TMEM204: variants seen among roughly 807,000 people sequenced by gnomAD.
TMEM204 encodes transmembrane protein 204, also known as claudin-like protein 24.
A neutral mutation model predicts 19.4 loss-of-function variants in TMEM204; 15 were observed. The observed-to-expected ratio is 0.77, with a 90% CI of 0.52 to 1.19. The LOEUF is 1.19. Ranked by LOEUF, TMEM204 falls within the 50% of genes most tolerant of loss-of-function variation. The probability of loss-of-function intolerance (pLI) is 0.00; values close to 1 mark genes in which losing one functional copy is unlikely to be tolerated. For synonymous variants in TMEM204, 161 were observed against 146.0 expected, an observed-to-expected ratio of 1.10 and a Z score of -0.74; for missense variants, 287 against 321.2, an observed-to-expected ratio of 0.89 and a Z score of 0.81.
intron 2 of TMEM204, among the ~76,000 whole-genome samples, chr16:1,543,410 T>C (rs2031842424): frequency 6.6e-6 from 1 of 152,200 alleles, no homozygotes; most frequent in Non-Finnish European, 1.5e-5. Context: ...CCGGGCTCTC[T>C]GAGCGCTATT....
intron 1 of TMEM204, among the ~76,000 whole-genome samples, chr16:1,539,958 G>A (rs962887856): frequency 4.6e-5 from 7 of 152,190 alleles, no homozygotes; most frequent in African/African-American, 7.2e-5. Flanking sequence ...AGGCCGGAGC[G>A]GGCACAGTGG....
chr16:1,541,889 C>T (rs1291082042), intron 1 of TMEM204, 32 bp from the exon 2 acceptor site: 5 of 1,557,010 alleles, frequency 3.2e-6, no homozygotes, highest in Non-Finnish European at 3.5e-6. Context: ...CCCACCTGCA[C>T]TCACCACTGC....
rs769845175 is a variant in TMEM204, at chr16:1,534,538, C to T, written c.263C>T (p.Ser88Phe). The T allele has an allele frequency of 3.1e-6, 5 of 1,604,284 alleles. No homozygotes were observed. The highest frequency in any genetic ancestry group is 4.2e-6 in the Non-Finnish European group (5 of 1,179,618). ...WGSEAAGFQE[S>F]RGTVKLQFDM... ...TCCGAGGCAGCCGGCTTCCAGGAGT[C>T]CCGAGGCACCGTCAAACGTAAGTCC... Residue 88 changes from serine to phenylalanine, a missense_variant, in exon 1 of 3, where the codon TCC becomes TTC. Coordinates refer to ENST00000566264, the MANE Select transcript of TMEM204 (RefSeq NM_024600.6).
chr16:1,535,131 G>C (rs561037961), intron 1 of TMEM204, among the ~76,000 whole-genome samples: 1 of 152,260 alleles, frequency 6.6e-6, no homozygotes, highest in East Asian at 1.9e-4. Flanking sequence ...TTCTGGCTTT[G>C]TTCTCACGGT....
intron 2 of TMEM204, among the ~76,000 whole-genome samples, chr16:1,548,788 G>A (rs1225919994): frequency 6.6e-6 from 1 of 152,240 alleles, no homozygotes; most frequent in Non-Finnish European, 1.5e-5. Flanking sequence ...GTGCGATCAT[G>A]CAGCTGACTC....
rs1334979655 is a variant in TMEM204 at position 1,551,744 on chromosome 16, A to G, written c.437-3038A>G. On this transcript the variant is annotated intron_variant, in intron 2 of 2. Transcript: ENST00000566264. This position sits in a 1 kb window ranked among gnomAD's most constrained non-coding sequence, Gnocchi z 4.0. The stretch of plus-strand genomic sequence containing the variant: ...CGGGGTTTTGTTGGGAGCTACCTAT[A>G]CAAAGGAGGCCACACCACACGTGCG... Among the ~76,000 whole-genome samples the G allele has an allele frequency of 2.0e-5, 3 of 152,136 alleles. No homozygotes were observed. Among genetic ancestry groups the G allele is most frequent in the African/African-American group, 7.2e-5 (3 of 41,408 alleles).
Position 1,554,953 on chromosome 16 carries a change from T to C in TMEM204, c.608T>C (p.Ile203Thr). Residue 203 changes from isoleucine to threonine, a missense_variant, in exon 3 of 3, where the codon ATT becomes ACT. Coordinates refer to ENST00000566264, the MANE Select transcript of TMEM204 (RefSeq NM_024600.6). ...KREDCMAPRV[I>T]VISRSLTARF... ...GAGGACTGCATGGCCCCCCGGGTGA[T>C]TGTCATCAGCCGCTCCCTGACAGCG... 1 of 1,614,132 alleles carries C rather than the reference T, an allele frequency of 6.2e-7. No homozygotes were observed.
chr16:1,553,232 C>CT lies in TMEM204; in HGVS notation c.437-1549dup. ...TCTGTCTCTCTCTGTCTCCATCTGT[C>CT]TCTGTGTCTGTCTCTGTCTCTCTGT... On this transcript the variant is annotated intron_variant, in intron 2 of 2. Coordinates refer to ENST00000566264, the MANE Select transcript of TMEM204 (RefSeq NM_024600.6). This position sits in a 1 kb window ranked among gnomAD's most constrained non-coding sequence, Gnocchi z 4.4. 1 of 978,762 alleles carries CT rather than the reference C, an allele frequency of 1.0e-6. No homozygotes were observed. The highest frequency in any genetic ancestry group is 1.2e-6 in the Non-Finnish European group (1 of 824,552). The allele number at this position is 978,762 out of a possible 1,614,324, so 60.6% of individuals were successfully genotyped here.
At chr16:1,542,727 G>A (rs953680273) in intron 2 of TMEM204, among the ~76,000 whole-genome samples, 2 of 152,370 alleles carry the variant, frequency 1.3e-5, no homozygotes, top group South Asian at 4.1e-4. Flanking sequence ...TGCCTGGCTC[G>A]GACACTGATG....
chr16:1,555,020 A>C lies in TMEM204; in HGVS notation c.675A>C (p.Pro225=). 1 of 1,608,814 alleles carries C rather than the reference A, an allele frequency of 6.2e-7. No individual in the cohort carries two copies. Among genetic ancestry groups the C allele is most frequent in the Non-Finnish European group, 8.5e-7 (1 of 1,177,722 alleles). The change falls in exon 3 of 3, where the codon CCA becomes CCC. Residue 225 remains proline, a synonymous_variant. Coordinates refer to ENST00000566264, the MANE Select transcript of TMEM204 (RefSeq NM_024600.6). Reference sequence around the variant, plus strand: ...TGGACAATGACTACGTGGAGTCACCATGCTGAGTCGCCCTTCTCAGCGCTC... The same window carrying C: ...TGGACAATGACTACGTGGAGTCACCCTGCTGAGTCGCCCTTCTCAGCGCTC... ...RGLDNDYVES[P]C is the part of the protein sequence containing the mutation.
chr16:1,554,225 C>G, intron 2 of TMEM204: 1 of 893,862 alleles, frequency 1.1e-6, no homozygotes, highest in Non-Finnish European at 1.5e-6. Context: ...GTTCCCAAAG[C>G]AAAGGCCAAG....
At chr16:1,532,927 C>G (rs1286489904), upstream of TMEM204, 2 of 152,538 alleles carry the variant, frequency 1.3e-5, no homozygotes, top group South Asian at 2.1e-4. Flanking sequence ...CCGTTCCCAT[C>G]AATAGCAGAG....
intron 2 of TMEM204, among the ~76,000 whole-genome samples, chr16:1,544,870 G>A (rs962895448): frequency 4.0e-5 from 6 of 151,636 alleles, no homozygotes; most frequent in East Asian, 3.9e-4. Context: ...GGATGGTCTC[G>A]ATCTCCTGAC....
chr16:1,531,495 T>TGGGACTCCACCGTGACC (rs2030490335), upstream of TMEM204: 3 of 152,190 alleles, frequency 2.0e-5, no homozygotes, highest in African/African-American at 7.2e-5. The surrounding 1 kb of genome is among the most constrained non-coding windows in gnomAD (Gnocchi z 4.7). Context: ...GAGGGGGCAG[T>TGGGACTCCACCGTGACC]GGGACTCCAC....
intron 2 of TMEM204, among the ~76,000 whole-genome samples, chr16:1,552,648 CTTTTTTTT>C (rs11409894): frequency 7.8e-6 from 1 of 127,586 alleles, no homozygotes; most frequent in Non-Finnish European, 1.6e-5. Context: ...AAAGAGAATG[CTTTTTTTT>C]TTTTTTTTTT....
chr16:1,535,277 G>T (rs1053896871), intron 1 of TMEM204, among the ~76,000 whole-genome samples: 1 of 152,092 alleles, frequency 6.6e-6, no homozygotes, highest in Non-Finnish European at 1.5e-5. Context: ...AGGAGAGGAA[G>T]GGGCTCAGAA....
At chr16:1,534,835 G>A (rs1205979257) in intron 1 of TMEM204, among the ~76,000 whole-genome samples, 1 of 152,124 alleles carries the variant, frequency 6.6e-6, no homozygotes, top group Non-Finnish European at 1.5e-5. Flanking sequence ...CATTTGGGGG[G>A]CCTCTCTGCC....
chr16:1,531,245 C>T (rs2030455946), upstream of TMEM204: 1 of 152,232 alleles, frequency 6.6e-6, no homozygotes, highest in Non-Finnish European at 1.5e-5. This position sits in a 1 kb window ranked among gnomAD's most constrained non-coding sequence, Gnocchi z 4.7. Context: ...TGGAGTCACC[C>T]ACATCTGCAC....
Position 1,553,535 on chromosome 16 carries a change from CT to C in TMEM204, c.437-1246del. On this transcript the variant is annotated intron_variant, in intron 2 of 2. Coordinates refer to ENST00000566264, the MANE Select transcript of TMEM204 (RefSeq NM_024600.6). This position sits in a 1 kb window ranked among gnomAD's most constrained non-coding sequence, Gnocchi z 4.4. ...CTGGGGAGGGACATGGACAAGTCCT[CT>C]ATGGACAAGAGGGGCTGGAGAGTTT... 1 of 996,536 alleles carries C rather than the reference CT, an allele frequency of 1.0e-6. No individual in the cohort carries two copies. The highest frequency in any genetic ancestry group is 1.2e-6 in the Non-Finnish European group (1 of 835,868). The allele number at this position is 996,536 out of a possible 1,614,324, so 61.7% of individuals were successfully genotyped here.
Sources: allele counts gnomAD v4.1 joint callset (sites outside exome capture counted in the v4.1 genomes callset), GRCh38; gene constraint gnomAD v4.1.1; non-coding constraint Gnocchi (gnomAD v3.1); transcripts MANE v1.5; gene names NCBI Gene and HGNC (gene_info 2026-07-23, HGNC 2026-07-21).